Variants in KMT2A observed in about 807,000 individuals in gnomAD.
KMT2A encodes histone-lysine N-methyltransferase 2A.
In KMT2A, 16 loss-of-function variants were observed where a neutral mutation model predicts 345.3. That is an observed-to-expected ratio of 0.05 (90% CI 0.03 to 0.07). The LOEUF is 0.07. KMT2A is among the 10% of genes least tolerant of loss of function. The probability of loss-of-function intolerance (pLI) is 1.00; values close to 1 mark genes in which losing one functional copy is unlikely to be tolerated. For synonymous variants in KMT2A, 1,599 were observed against 1,778.6 expected (o/e 0.90, Z 2.54); for missense variants, 3,272 against 4,841.6 (o/e 0.68, Z 9.62).
intron 31 of KMT2A, 44 bp downstream of exon 31, chr11:118,512,069 TG>T (rs1392939311): frequency 1.9e-5 from 29 of 1,556,788 alleles, no homozygotes; most frequent in Non-Finnish European, 2.4e-5. Flanking sequence ...CAGAATATTA[TG>T]GTAAATTGTT....
rs781935868 is a variant in KMT2A at position 118,491,154 on chromosome 11, A to T, written c.4697-42A>T. The T allele has an allele frequency of 6.2e-7, 1 of 1,604,356 alleles. No homozygotes were observed. Among genetic ancestry groups the T allele is most frequent in the Non-Finnish European group, 8.5e-7 (1 of 1,175,718 alleles). On this transcript the variant is annotated intron_variant, in intron 13 of 35. Transcript: ENST00000534358. This position sits in a 1 kb window ranked among gnomAD's most constrained non-coding sequence, Gnocchi z 4.2. ...AGTCGAGGGCCGTAAAAACACGGGT[A>T]TGTGAGCCAAAGCACTGCTGTAAAC...
chr11:118,467,849 T>C (rs1291148731), intron 1 of KMT2A, among the ~76,000 whole-genome samples: 1 of 152,226 alleles, frequency 6.6e-6, no homozygotes, highest in Non-Finnish European at 1.5e-5. Flanking sequence ...TATTTTGTTC[T>C]TGTTTTATGT....
In KMT2A at chr11:118,502,549, G is replaced by T; in HGVS notation, c.6657G>T (p.Gly2219=). 6.2e-7 allele frequency: 1 copy of T among 1,614,080 alleles called. No individual in the cohort carries two copies. The highest frequency in any genetic ancestry group is 1.3e-5 in the African/African-American group (1 of 75,008). The change falls in exon 27 of 36, where the codon GGG becomes GGT. Residue 2219 remains glycine, a synonymous_variant. Transcript: ENST00000534358. This position sits in a 1 kb window ranked among gnomAD's most constrained non-coding sequence, Gnocchi z 4.9. ...GGATAATGTCTCCAATGAGAACTGG[G>T]AATACTTACTCTAGGAATAATGTTT... ...KLRIMSPMRT[G]NTYSRNNVSS...
At chr11:118,481,573 T>C in intron 6 of KMT2A, 142 bp from the exon 7 acceptor site, 2 of 837,324 alleles carry the variant, frequency 2.4e-6, no homozygotes, top group Non-Finnish European at 3.6e-6. Flanking sequence ...AGAGTGCAGA[T>C]ATCTCTTTGA....
intron 1 of KMT2A, among the ~76,000 whole-genome samples, chr11:118,441,318 A>G (rs1949309142): frequency 6.6e-6 from 1 of 152,074 alleles, no homozygotes; most frequent in Admixed American, 6.6e-5. Flanking sequence ...TATAACTGGC[A>G]TTATTATTAG....
chr11:118,498,393 A>C lies in KMT2A; in HGVS notation c.5826A>C (p.Pro1942=). The part of the protein sequence containing the change: ...KQLRCEFCQK[P]GATVGCCLTS... ...AGAGATGTGAATTCTGCCAAAAGCC[A>C]GGAGCCACCGTGGGTTGCTGTCTCA... Residue 1942 remains proline (P), a synonymous_variant, in exon 22 of 36, where the codon CCA becomes CCC. Transcript: ENST00000534358. The surrounding 1 kb of genome is among the most constrained non-coding windows in gnomAD (Gnocchi z 4.4). 6.2e-7 allele frequency: 1 copy of C among 1,611,788 alleles called. No individual in the cohort carries two copies. The highest frequency in any genetic ancestry group is 8.5e-7 in the Non-Finnish European group (1 of 1,179,420).
Position 118,473,486 on chromosome 11 carries a change from T to G in KMT2A, c.2327T>G (p.Val776Gly), listed in dbSNP as rs782746928. The G allele has an allele frequency of 6.2e-7, 1 of 1,614,204 alleles. No homozygotes were observed. The highest frequency in any genetic ancestry group is 1.3e-5 in the African/African-American group (1 of 75,040). Residue 776 changes from valine (V) to glycine (G), a missense_variant, in exon 3 of 36, where the codon GTC becomes GGC. Physicochemically the swap from Val to Gly is moderately radical, Grantham distance 109. This residue lies in a region of KMT2A where 209 missense variants were observed against 237.4 expected (regional missense o/e 0.88). Coordinates refer to ENST00000534358, the MANE Select transcript of KMT2A (RefSeq NM_001197104.2). The surrounding 1 kb of genome is among the most constrained non-coding windows in gnomAD (Gnocchi z 5.2). The stretch of plus-strand genomic sequence containing the variant: ...TCACCTCTCACCCCCCCGTCTTCTG[T>G]CTCTTCCTCGTTAAGCATTTCTGTT... ...ELSPLTPPSSVSSSLSISVSP... is the reference protein window; with the variant it reads ...ELSPLTPPSSGSSSLSISVSP...
At position 118,474,249 on chromosome 11, in the gene KMT2A, C is replaced by T; in HGVS notation, c.3090C>T (p.Ala1030=). The T allele has an allele frequency of 6.2e-7, 1 of 1,614,066 alleles. No homozygotes were observed. Among genetic ancestry groups the T allele is most frequent in the Non-Finnish European group, 8.5e-7 (1 of 1,180,020 alleles). ...GGGTTGCCAGCCTCCTAAAAAAGGC[C>T]AAAGCTCAGCTCTGCAAGATTGAGA... ...DKRVASLLKK[A]KAQLCKIEKS... Residue 1030 remains alanine, a synonymous_variant, in exon 3 of 36, where the codon GCC becomes GCT. Transcript: ENST00000534358.
chr11:118,504,200 G>A lies in KMT2A; in HGVS notation c.8308G>A (p.Val2770Ile). 8 of 1,614,168 alleles carry A rather than the reference G, an allele frequency of 5.0e-6. No individual in the cohort carries two copies. The highest frequency in any genetic ancestry group is 5.9e-6 in the Non-Finnish European group (7 of 1,180,028). ...TGAAGATGCTGGGGAGAAAGAACATGTCACTAAGAGTTCTGTTGGCCACAA... is the reference window on the plus strand; with the variant it reads ...TGAAGATGCTGGGGAGAAAGAACATATCACTAAGAGTTCTGTTGGCCACAA... ...RPEDAGEKEH[V>I]TKSSVGHKNE... The change falls in exon 27 of 36, where the codon GTC becomes ATC. Residue 2770 changes from valine to isoleucine, a missense_variant. Physicochemically the swap from Val to Ile is conservative, Grantham distance 29 (BLOSUM62 3). Transcript: ENST00000534358. This position sits in a 1 kb window ranked among gnomAD's most constrained non-coding sequence, Gnocchi z 6.4.
Position 118,503,098 on chromosome 11 carries a change from C to A in KMT2A, c.7206C>A (p.Val2402=). ...ANSSPDEDTE[V]KTLKLSGMSN... ...CCTCTCCAGATGAAGATACTGAAGT[C>A]AAAACCTTGAAGCTATCTGGAATGA... Residue 2402 remains valine (V), a synonymous_variant, in exon 27 of 36, where the codon GTC becomes GTA. Transcript: ENST00000534358. This position sits in a 1 kb window ranked among gnomAD's most constrained non-coding sequence, Gnocchi z 5.3. 1 of 1,613,074 alleles carries A rather than the reference C, an allele frequency of 6.2e-7. No individual in the cohort carries two copies. Among genetic ancestry groups the A allele is most frequent in the South Asian group, 1.1e-5 (1 of 90,998 alleles).
intron 1 of KMT2A, among the ~76,000 whole-genome samples, chr11:118,456,965 T>G (rs1949655644): frequency 6.6e-6 from 1 of 152,160 alleles, no homozygotes; most frequent in African/African-American, 2.4e-5. Context: ...TTCTTTGCAC[T>G]CCCTTAAACC....
intron 1 of KMT2A, chr11:118,458,162 C>T (rs1049872298): frequency 1.0e-4 from 40 of 400,866 alleles, no homozygotes; most frequent in Non-Finnish European, 1.8e-4. Flanking sequence ...CAGTTCACTG[C>T]AGCCTGTATC....
Position 118,510,523 on chromosome 11 carries a change from G to T in KMT2A, c.11071+405G>T, listed in dbSNP as rs969375887. On this transcript the variant is annotated intron_variant, in intron 30 of 35. Transcript: ENST00000534358. This position sits in a 1 kb window ranked among gnomAD's most constrained non-coding sequence, Gnocchi z 4.1. ...TGGTGAGCTCCAGCTCACCCTTCAA[G>T]ATCCAGCTCAGACGGTCTTCCCTGA... 6.6e-6 allele frequency among the ~76,000 whole-genome samples: 1 copy of T among 152,054 alleles called. No individual in the cohort carries two copies. The highest frequency in any genetic ancestry group is 6.6e-5 in the Admixed American group (1 of 15,266).
Position 118,505,874 on chromosome 11 carries a change from C to T in KMT2A, c.9982C>T (p.His3328Tyr), listed in dbSNP as rs1555048039. The T allele has an allele frequency of 6.2e-7, 1 of 1,614,214 alleles. No homozygotes were observed. Among genetic ancestry groups the T allele is most frequent in the African/African-American group, 1.3e-5 (1 of 75,048 alleles). The change falls in exon 27 of 36, where the codon CAC (histidine) becomes TAC (tyrosine). Residue 3328 changes from histidine to tyrosine, a missense_variant. This residue lies in a region of KMT2A where 748 missense variants were observed against 922.2 expected (regional missense o/e 0.81). Transcript: ENST00000534358. This position sits in a 1 kb window ranked among gnomAD's most constrained non-coding sequence, Gnocchi z 4.6. ...GTSTISQDTS[H>Y]LTSGSVSGLA... ...ATCAACAATAAGCCAGGATACTAGC[C>T]ACCTCACATCAGGGTCTGTGTCTGG...
chr11:118,455,347 ACAGT>A (rs376833433), intron 1 of KMT2A, among the ~76,000 whole-genome samples: 13 of 152,348 alleles, frequency 8.5e-5, no homozygotes, highest in Non-Finnish European at 1.6e-4. Flanking sequence ...TGATTGAGTG[ACAGT>A]CATATTTGAA....
In KMT2A at chr11:118,502,759, A is replaced by G. The variant is rs1555046196; in HGVS notation, c.6867A>G (p.Ser2289=). The G allele has an allele frequency of 6.2e-7, 1 of 1,614,090 alleles. No individual in the cohort carries two copies. The highest frequency in any genetic ancestry group is 8.5e-7 in the Non-Finnish European group (1 of 1,180,050). ...KNSHLDGSSS[S]EMKQSSASDL... is the part of the protein sequence containing the mutation. The stretch of plus-strand genomic sequence containing the variant: ...GTCACTTGGATGGATCTTCATCTTC[A>G]GAAATGAAGCAGTCCAGTGCTTCAG... Residue 2289 remains serine, a synonymous_variant, in exon 27 of 36, where the codon TCA becomes TCG. Coordinates refer to ENST00000534358, the MANE Select transcript of KMT2A (RefSeq NM_001197104.2). This position sits in a 1 kb window ranked among gnomAD's most constrained non-coding sequence, Gnocchi z 4.9.
rs1276668671 is a variant in KMT2A at position 118,490,991 on chromosome 11, C to G, written c.4697-205C>G. On this transcript the variant is annotated intron_variant, in intron 13 of 35. Coordinates refer to ENST00000534358, the MANE Select transcript of KMT2A (RefSeq NM_001197104.2). The surrounding 1 kb of genome is among the most constrained non-coding windows in gnomAD (Gnocchi z 4.2). ...CTAGTAAACTAAAGAAAACTAGTAG[C>G]ATATGAAGCTTTTCTGTGAGTATTC... Among the ~76,000 whole-genome samples, 1 of 152,122 alleles carries G rather than the reference C, an allele frequency of 6.6e-6. No individual in the cohort carries two copies. Among genetic ancestry groups the G allele is most frequent in the Non-Finnish European group, 1.5e-5 (1 of 68,016 alleles).
At chr11:118,449,346 CCAGGAGTTCAA>C (rs1214984010) in intron 1 of KMT2A, 1 of 151,548 alleles carries the variant, frequency 6.6e-6, no homozygotes, top group African/African-American at 2.4e-5. Context: ...TTGCTTAAGG[CCAGGAGTTCAA>C]GACTAGCCTG....
At chr11:118,489,231 CAAAAAAAAAA>C (rs11412289) in intron 11 of KMT2A, among the ~76,000 whole-genome samples, 1 of 90,636 alleles carries the variant, frequency 1.1e-5, no homozygotes, top group Non-Finnish European at 2.0e-5. Flanking sequence ...GACTCCATCT[CAAAAAAAAAA>C]AAAAAAAAAA....
Sources: allele counts gnomAD v4.1 joint callset (sites outside exome capture counted in the v4.1 genomes callset), GRCh38; gene constraint gnomAD v4.1.1; regional missense constraint gnomAD v4.1.1; non-coding constraint Gnocchi (gnomAD v3.1); transcripts MANE v1.5; gene names NCBI Gene and HGNC (gene_info 2026-07-23, HGNC 2026-07-21).